The following RALGAPA2 variants were observed in gnomAD, a reference collection of about 807,000 sequenced individuals.
RALGAPA2 encodes the protein Ral GTPase activating protein catalytic subunit alpha 2.
Under a neutral mutation model 230.4 loss-of-function variants are expected in RALGAPA2, and 139 were observed. The ratio of observed to expected loss-of-function variants is 0.60; its 90% CI spans 0.53 to 0.69. The LOEUF (loss-of-function observed/expected upper bound fraction) is 0.69. Among genes scored for constraint, RALGAPA2 ranks in the 30% least tolerant of loss-of-function variants. RALGAPA2 has a pLI of 0.00. For synonymous variants in RALGAPA2, 847 were observed against 837.8 expected, an observed-to-expected ratio of 1.01 and a Z score of -0.19; for missense variants, 2,163 against 2,276.0, an observed-to-expected ratio of 0.95 and a Z score of 1.01.
intron 4 of RALGAPA2, 150 bp downstream of exon 4, chr20:20,653,380 G>T: frequency 1.8e-6 from 1 of 546,758 alleles, no homozygotes; most frequent in Non-Finnish European, 3.3e-6. Context: ...AGTCAGGGTT[G>T]AACTTGTCTT....
chr20:20,458,035 C>T (rs2061164643), intron 37 of RALGAPA2, among the ~76,000 whole-genome samples: 2 of 152,318 alleles, frequency 1.3e-5, no homozygotes, highest in Admixed American at 6.5e-5. Flanking sequence ...ACTTTAGTCG[C>T]TGGCCCTGGC....
chr20:20,446,923 T>C (rs771698535), intron 37 of RALGAPA2, among the ~76,000 whole-genome samples: 1 of 152,206 alleles, frequency 6.6e-6, no homozygotes, highest in Non-Finnish European at 1.5e-5. Flanking sequence ...GCTGCCATAG[T>C]TCTGCTAAGT....
Position 20,520,928 on chromosome 20 carries a change from G to A in RALGAPA2, c.4073C>T (p.Thr1358Ile). 9.3e-6 allele frequency: 15 copies of A among 1,608,902 alleles called. No homozygotes were observed. The highest frequency in any genetic ancestry group is 1.3e-5 in the African/African-American group (1 of 74,914). ...GAAAGAATACTCACCCTCTTCAACA[G>A]TCAGCAGGTTACCCAATTCTGCTGA... is the stretch of plus-strand genomic sequence containing the variant. ...HSSAELGNLL[T>I]VEEEKKRRSL... The change falls in exon 31 of 40, where the codon ACT (threonine) becomes ATT (isoleucine). Residue 1358 changes from threonine (T) to isoleucine (I), a missense_variant. Coordinates refer to ENST00000202677, the MANE Select transcript of RALGAPA2 (RefSeq NM_020343.4).
intron 3 of RALGAPA2, 55 bp from the exon 4 acceptor site, chr20:20,653,642 T>A: frequency 9.3e-7 from 1 of 1,081,000 alleles, no homozygotes; most frequent in Non-Finnish European, 1.4e-6. Context: ...CACATTTTCA[T>A]GACAGGCCCA....
chr20:20,475,860 A>C (rs1235298879), intron 36 of RALGAPA2, among the ~76,000 whole-genome samples: 1 of 152,170 alleles, frequency 6.6e-6, no homozygotes, highest in Non-Finnish European at 1.5e-5. Flanking sequence ...GAAAAGTCCA[A>C]AGAATTTAAC....
At chr20:20,462,654 A>C (rs1056240783) in intron 37 of RALGAPA2, among the ~76,000 whole-genome samples, 1 of 152,192 alleles carries the variant, frequency 6.6e-6, no homozygotes, top group Non-Finnish European at 1.5e-5. Context: ...ACTCACCCCT[A>C]GATTACCAAA....
intron 31 of RALGAPA2, among the ~76,000 whole-genome samples, chr20:20,519,210 C>T (rs916967311): frequency 1.3e-5 from 2 of 152,216 alleles, no homozygotes; most frequent in African/African-American, 4.8e-5. Context: ...GTACACACCC[C>T]TGGGAATATC....
chr20:20,513,162 T>C lies in RALGAPA2; in HGVS notation c.4207A>G (p.Ser1403Gly). The C allele has an allele frequency of 6.4e-7, 1 of 1,553,738 alleles. No homozygotes were observed. The highest frequency in any genetic ancestry group is 8.7e-7 in the Non-Finnish European group (1 of 1,153,908). Residue 1403 changes from serine (S) to glycine (G), a missense_variant, in exon 32 of 40, where the codon AGC becomes GGC. Ser to Gly is a moderately conservative substitution (Grantham distance 56). Transcript: ENST00000202677. The part of the protein sequence containing the change: ...GGPAILHSLV[S>G]ENHDNAHVEG... ...ACATGGGCATTGTCATGGTTCTCGC[T>C]GACAAGGCTGTGCAGTATGGCAGGG...
intron 28 of RALGAPA2, among the ~76,000 whole-genome samples, 179 bp downstream of exon 28, chr20:20,526,073 A>G (rs144177891): frequency 1.6e-3 from 245 of 152,340 alleles, no homozygotes; most frequent in African/African-American, 5.7e-3. Context: ...TGGCTTCTTT[A>G]CATAGTGCCT....
In RALGAPA2 at chr20:20,392,468, G is replaced by A. The variant is rs2059620743; in HGVS notation, c.*821C>T. 6.6e-6 allele frequency: 1 copy of A among 152,510 alleles called. No homozygotes were observed. Among genetic ancestry groups the A allele is most frequent in the African/African-American group, 2.4e-5 (1 of 41,454 alleles). The allele number at this position is 152,510 out of a possible 1,614,324, so 9.4% of individuals were successfully genotyped here. A position where few individuals can be genotyped will look rare whatever the true frequency, so the allele number is the denominator to read the frequency against. ...CTTTTGTGTGGATGTGGTCTGTGTT[G>A]TTTTGAGCCTTGGGACACTTCCTGT... On this transcript the variant is annotated 3_prime_UTR_variant, in exon 40 of 40. Transcript: ENST00000202677.
chr20:20,526,534 C>T (rs978243867), intron 27 of RALGAPA2, among the ~76,000 whole-genome samples, 172 bp from the exon 28 acceptor site: 1 of 152,052 alleles, frequency 6.6e-6, no homozygotes, highest in Non-Finnish European at 1.5e-5. Context: ...CGTCACATCA[C>T]CATTTTAAAA....
intron 23 of RALGAPA2, among the ~76,000 whole-genome samples, chr20:20,564,830 T>C (rs562898526): frequency 1.3e-5 from 2 of 152,356 alleles, no homozygotes; most frequent in East Asian, 1.9e-4. Context: ...AGCCATCTTA[T>C]ATCCTGAATT....
chr20:20,692,988 C>T lies in RALGAPA2; in HGVS notation c.107-12187G>A, dbSNP rs190144225. 5.3e-3 allele frequency among the ~76,000 whole-genome samples: 813 copies of T among 152,286 alleles called. 6 individuals carry two copies. The highest frequency in any genetic ancestry group is 0.019 in the African/African-American group (775 of 41,558). ...ACAGCTGAAATAAAATTTGCCAATT[C>T]CAACAGGAAACAAACACTAGTGTCA... On this transcript the variant is annotated intron_variant, in intron 1 of 39. Coordinates refer to ENST00000202677, the MANE Select transcript of RALGAPA2 (RefSeq NM_020343.4).
In RALGAPA2 at chr20:20,487,226, G is replaced by A. The variant is rs77052514; in HGVS notation, c.5367+7891C>T. Among the ~76,000 whole-genome samples, 1,352 of 152,290 alleles carry A rather than the reference G, an allele frequency of 8.9e-3. 21 individuals are homozygous for A. The highest frequency in any genetic ancestry group is 0.031 in the African/African-American group (1,292 of 41,554). ...TTTATGTTTAACTGGCTAACAGGCC[G>A]TGCTTCTTGTTTTCTATAGCTGTAG... is the stretch of plus-strand genomic sequence containing the variant. On this transcript the variant is annotated intron_variant, in intron 36 of 39. Coordinates refer to ENST00000202677, the MANE Select transcript of RALGAPA2 (RefSeq NM_020343.4).
At chr20:20,560,902 C>T (rs555281112) in intron 23 of RALGAPA2, among the ~76,000 whole-genome samples, 3 of 152,324 alleles carry the variant, frequency 2.0e-5, no homozygotes, top group South Asian at 2.1e-4. Flanking sequence ...TGTACCATTG[C>T]CTACTGAAGG....
At chr20:20,653,731 A>G (rs963511409) in intron 3 of RALGAPA2, 144 bp from the exon 4 acceptor site, 2 of 503,842 alleles carry the variant, frequency 4.0e-6, no homozygotes, top group African/African-American at 3.8e-5. Flanking sequence ...TTCATGCTGT[A>G]TTCCTATGAG....
rs112407797 is a variant in RALGAPA2, at chr20:20,580,068, T to A, written c.2707+2982A>T. Among the ~76,000 whole-genome samples, 21 of 152,324 alleles carry A rather than the reference T, an allele frequency of 1.4e-4. 1 individual carries two copies. The highest frequency in any genetic ancestry group is 5.0e-4 in the African/African-American group (21 of 41,590). The stretch of plus-strand genomic sequence containing the variant: ...GGCTTATGACTTATTCATCTTTTTA[T>A]TTCTCAGAGCATCTAAATCAGTATT... On this transcript the variant is annotated intron_variant, in intron 20 of 39. Coordinates refer to ENST00000202677, the MANE Select transcript of RALGAPA2 (RefSeq NM_020343.4).
chr20:20,586,408 T>C (rs1348848371), intron 18 of RALGAPA2, among the ~76,000 whole-genome samples: 1 of 152,172 alleles, frequency 6.6e-6, no homozygotes. Context: ...AATTTAGAAA[T>C]CCACGTTTTC....
At chr20:20,711,450 CAAAGA>C (rs1253786853) in intron 1 of RALGAPA2, among the ~76,000 whole-genome samples, 2 of 152,062 alleles carry the variant, frequency 1.3e-5, no homozygotes, top group Non-Finnish European at 1.5e-5. Context: ...GTTTTCATCC[CAAAGA>C]AAAGTTAAGA....
Sources: gnomAD v4.1 joint callset for allele counts (sites outside exome capture counted in the v4.1 genomes callset) on GRCh38, gnomAD v4.1.1 for gene constraint, MANE v1.5 for transcripts, NCBI Gene and HGNC (gene_info 2026-07-23, HGNC 2026-07-21) for gene names.